Variants in ZNF43 observed in about 807,000 individuals in gnomAD.
ZNF43 encodes zinc finger protein 39-like 1 (KOX 27).
ZNF43 carries 44 observed loss-of-function variants against 68.4 expected under a neutral mutation model. That is an observed-to-expected ratio of 0.64 (90% confidence interval 0.51 to 0.83). The LOEUF (loss-of-function observed/expected upper bound fraction) is 0.83, where lower values mean the gene tolerates loss of function less well. ZNF43 is among the 40% of genes least tolerant of loss of function. The probability of loss-of-function intolerance (pLI) is 0.00; values close to 1 mark genes in which losing one functional copy is unlikely to be tolerated. For synonymous variants in ZNF43, 308 were observed against 307.8 expected (o/e 1.00, Z -0.01); for missense variants, 896 against 933.2 (o/e 0.96, Z 0.52).
At chr19:21,848,908 T>C (rs1968143073) in intron 1 of ZNF43, among the ~76,000 whole-genome samples, 3 of 152,168 alleles carry the variant, frequency 2.0e-5, no homozygotes, top group Admixed American at 2.0e-4. Context: ...CTCAGGAAGG[T>C]AGACTTCTCA....
rs138296910 is a variant in ZNF43, at chr19:21,808,578, A to T, written c.1459T>A (p.Cys487Ser). The change falls in exon 4 of 4, where the codon TGT becomes AGT. Residue 487 changes from cysteine (C) to serine (S), a missense_variant. By Grantham distance (112) the Cys-to-Ser change is moderately radical. Transcript: ENST00000354959. ...TAEKPYKCEE[C>S]GKAFSRSSNL... is the part of the protein sequence containing the mutation. ...GAGGACCGGCTAAAAGCTTTGCCAC[A>T]TTCTTCACATTTGTACGGTTTTTCT... 32 of 1,613,474 alleles carry T rather than the reference A, an allele frequency of 2.0e-5. No individual in the cohort carries two copies. Among genetic ancestry groups the T allele is most frequent in the Non-Finnish European group, 2.7e-5 (32 of 1,179,824 alleles).
At chr19:21,821,156 T>C (rs1480244445) in intron 1 of ZNF43, among the ~76,000 whole-genome samples, 1 of 148,772 alleles carries the variant, frequency 6.7e-6, no homozygotes, top group Non-Finnish European at 1.5e-5. Flanking sequence ...TTTTTTTTTT[T>C]TTTTTTAAGA....
At chr19:21,846,251 T>TTTGTCCACATTTCTTACTGTGGACAGCA (rs1967946997) in intron 1 of ZNF43, among the ~76,000 whole-genome samples, 1 of 152,150 alleles carries the variant, frequency 6.6e-6, no homozygotes, top group South Asian at 2.1e-4. Context: ...GGCCAAGCGA[T>TTTGTCCACATTTCTTACTGTGGACAGCA]ATCTCACATT....
intron 1 of ZNF43, among the ~76,000 whole-genome samples, chr19:21,831,367 A>T (rs1206253210): frequency 6.6e-6 from 1 of 151,610 alleles, no homozygotes; most frequent in Non-Finnish European, 1.5e-5. Context: ...TTTAATTTTT[A>T]TTTTATTTTT....
intron 2 of ZNF43, 130 bp downstream of exon 2, chr19:21,818,965 C>A: frequency 1.5e-6 from 2 of 1,325,610 alleles, no homozygotes; most frequent in South Asian, 3.0e-5. Flanking sequence ...CCAACAAATC[C>A]CAATTTTTTT....
At chr19:21,815,508 T>TATATATATATATATATATATA (rs1568355553) in intron 3 of ZNF43, among the ~76,000 whole-genome samples, 2 of 148,904 alleles carry the variant, frequency 1.3e-5, no homozygotes, top group South Asian at 2.1e-4. Flanking sequence ...TATATATATA[T>TATATATATATATATATATATA]TTTGCAGAAT....
chr19:21,818,048 A>C, intron 2 of ZNF43, 62 bp from the exon 3 acceptor site: 1 of 1,503,676 alleles, frequency 6.7e-7, no homozygotes, highest in East Asian at 2.3e-5. Context: ...TTAACCTAGT[A>C]ATGTGTCCAG....
chr19:21,838,502 C>G (rs1002479169), upstream of ZNF43, among the ~76,000 whole-genome samples: 1 of 151,606 alleles, frequency 6.6e-6, no homozygotes, highest in African/African-American at 2.4e-5. Context: ...TGGGTTCAAG[C>G]AATTCCCCTG....
At chr19:21,841,848 G>C (rs976061269) in intron 1 of ZNF43, among the ~76,000 whole-genome samples, 1 of 152,180 alleles carries the variant, frequency 6.6e-6, no homozygotes, top group Non-Finnish European at 1.5e-5. Flanking sequence ...CAGGTGAAGA[G>C]AGTCCCATCA....
At chr19:21,816,859 A>C (rs1420592636) in intron 3 of ZNF43, among the ~76,000 whole-genome samples, 1 of 152,172 alleles carries the variant, frequency 6.6e-6, no homozygotes, top group African/African-American at 2.4e-5. Context: ...ATAAAATGGA[A>C]ATTACAACTA....
In ZNF43 at chr19:21,809,677, A is replaced by G; in HGVS notation, c.360T>C (p.Ser120=). Residue 120 remains serine, a synonymous_variant, in exon 4 of 4, where the codon AGT becomes AGC. Transcript: ENST00000354959. ...KNVHLKKDHK[S]VDECKVHRGG... ...CTCTGTGCACCTTACACTCATCCAC[A>G]CTTTTATGGTCTTTTTTTAAATGTA... 1 of 1,613,104 alleles carries G rather than the reference A, an allele frequency of 6.2e-7. No individual in the cohort carries two copies. Among genetic ancestry groups the G allele is most frequent in the Non-Finnish European group, 8.5e-7 (1 of 1,179,708 alleles).
intron 1 of ZNF43, among the ~76,000 whole-genome samples, chr19:21,831,806 C>T (rs766328365): frequency 2.6e-5 from 4 of 152,118 alleles, no homozygotes; most frequent in Non-Finnish European, 4.4e-5. Context: ...CAAAAAGAAT[C>T]AAATATCCAG....
chr19:21,807,793 G>A lies in ZNF43; in HGVS notation c.2244C>T (p.His748=). The A allele has an allele frequency of 6.2e-7, 1 of 1,613,444 alleles. No homozygotes were observed. Among genetic ancestry groups the A allele is most frequent in the Non-Finnish European group, 8.5e-7 (1 of 1,179,708 alleles). The change falls in exon 4 of 4, where the codon CAC becomes CAT. Residue 748 remains histidine, a synonymous_variant. Transcript: ENST00000354959. ...ECGKAFNYSS[H]LNTHKRIHTK... is the part of the protein sequence containing the mutation. Reference sequence around the variant, plus strand: ...TATGAATTCTCTTATGTGTATTAAGGTGTGAGGAATAGTTAAATGCTTTGC... The same window carrying A: ...TATGAATTCTCTTATGTGTATTAAGATGTGAGGAATAGTTAAATGCTTTGC...
intron 2 of ZNF43, among the ~76,000 whole-genome samples, chr19:21,818,337 G>A (rs1474350202): frequency 6.7e-6 from 1 of 148,836 alleles, no homozygotes; most frequent in Non-Finnish European, 1.5e-5. Flanking sequence ...TCCTGACCGG[G>A]TGATCCGCCT....
chr19:21,827,546 G>C (rs941526038), intron 1 of ZNF43, among the ~76,000 whole-genome samples: 1 of 150,704 alleles, frequency 6.6e-6, no homozygotes, highest in African/African-American at 2.4e-5. Flanking sequence ...ATTTTTGGCA[G>C]AGACAGGGTT....
intron 1 of ZNF43, among the ~76,000 whole-genome samples, chr19:21,824,871 T>C (rs1193021632): frequency 1.3e-5 from 2 of 152,164 alleles, no homozygotes; most frequent in East Asian, 3.8e-4. Context: ...ATGTAAACTT[T>C]AGCAGCAGTT....
rs763005421 is a variant in ZNF43, at chr19:21,808,862, T to C, written c.1175A>G (p.His392Arg). 2 of 1,613,698 alleles carry C rather than the reference T, an allele frequency of 1.2e-6. No homozygotes were observed. Among genetic ancestry groups the C allele is most frequent in the Non-Finnish European group, 8.5e-7 (1 of 1,179,890 alleles). The stretch of plus-strand genomic sequence containing the variant: ...ACATTTGTAGGGTTTCTTTTCAGTA[T>C]GAATTTTCTTATGTTTAGTAAGGTT... Reference protein sequence around the residue: ...SSNLTKHKKIHTEKKPYKCEE... With the variant: ...SSNLTKHKKIRTEKKPYKCEE... The change falls in exon 4 of 4, where the codon CAT (histidine) becomes CGT (arginine). Residue 392 changes from histidine (H) to arginine (R), a missense_variant. His to Arg is a conservative substitution (Grantham distance 29). Coordinates refer to ENST00000354959, the MANE Select transcript of ZNF43 (RefSeq NM_003423.4).
chr19:21,835,080 T>C (rs927340138), intron 1 of ZNF43, among the ~76,000 whole-genome samples: 3 of 149,632 alleles, frequency 2.0e-5, no homozygotes, highest in African/African-American at 7.4e-5. Context: ...ATCCCGTCTT[T>C]ACTAAAAATA....
chr19:21,809,735 A>G lies in ZNF43; in HGVS notation c.302T>C (p.Leu101Pro). The G allele has an allele frequency of 6.2e-7, 1 of 1,607,308 alleles. No homozygotes were observed. The highest frequency in any genetic ancestry group is 8.5e-7 in the Non-Finnish European group (1 of 1,178,380). ...ATGTTCACAGTTTTTATATCTTCTC[A>G]GTGTCGCTTTTTGGAAAGGATCTTT... is the stretch of plus-strand genomic sequence containing the variant. Reference protein sequence around the residue: ...HIKDPFQKATLRRYKNCEHKN... With the variant: ...HIKDPFQKATPRRYKNCEHKN... Residue 101 changes from leucine to proline, a missense_variant, in exon 4 of 4, where the codon CTG (leucine) becomes CCG (proline). Coordinates refer to ENST00000354959, the MANE Select transcript of ZNF43 (RefSeq NM_003423.4).
Sources: allele counts gnomAD v4.1 joint callset (sites outside exome capture counted in the v4.1 genomes callset), GRCh38; gene constraint gnomAD v4.1.1; transcripts MANE v1.5; gene names NCBI Gene and HGNC (gene_info 2026-07-23, HGNC 2026-07-21).